The following MKI67 variants were observed in gnomAD, a reference collection of about 807,000 sequenced individuals.
MKI67 encodes proliferation marker protein Ki-67.
A neutral mutation model predicts 233.5 loss-of-function variants in MKI67; 152 were observed. That is an observed-to-expected ratio of 0.65 (90% confidence interval 0.57 to 0.74). The LOEUF is 0.74. Among genes scored for constraint, MKI67 ranks in the 30% least tolerant of loss-of-function variants. The probability of loss-of-function intolerance (pLI) is 0.00; values close to 1 mark genes in which losing one functional copy is unlikely to be tolerated. For missense variants in MKI67, 3,940 were observed against 3,885.2 expected, an observed-to-expected ratio of 1.01 and a Z score of -0.37; for synonymous variants, 1,465 against 1,418.5, an observed-to-expected ratio of 1.03 and a Z score of -0.74.
In MKI67 at chr10:128,116,544, T is replaced by A. The variant is rs763820643; in HGVS notation, c.355-8A>T. The A allele has an allele frequency of 2.5e-6, 4 of 1,612,948 alleles. No homozygotes were observed. In the Middle Eastern group the frequency reaches 5.0e-4, roughly 200 times the overall value. ...GACACGACGTGCTGGCTCCTGTAAG[T>A]TGGGAAAATAAGAACAGTTATTTGC... On this transcript the variant is annotated splice_region_variant and splice_polypyrimidine_tract_variant and intron_variant, in intron 5 of 14. Coordinates refer to ENST00000368654, the MANE Select transcript of MKI67 (RefSeq NM_002417.5).
At position 128,108,959 on chromosome 10, in the gene MKI67, T is replaced by C. The variant is rs756959433; in HGVS notation, c.2881A>G (p.Met961Val). The C allele has an allele frequency of 2.5e-6, 4 of 1,614,242 alleles. No individual in the cohort carries two copies. The highest frequency in any genetic ancestry group is 3.4e-6 in the Non-Finnish European group (4 of 1,180,048). ...SRTWGQKCAP[M>V]SDLTDLKSLP... ...CTCTTGAGGTCTGTCAGGTCAGACA[T>C]TGGTGCACATTTCTGCCCCCAAGTT... The change falls in exon 13 of 15, where the codon ATG becomes GTG. Residue 961 changes from methionine (M) to valine (V), a missense_variant. Physicochemically the swap from Met to Val is conservative, Grantham distance 21. Coordinates refer to ENST00000368654, the MANE Select transcript of MKI67 (RefSeq NM_002417.5).
intron 4 of MKI67, among the ~76,000 whole-genome samples, chr10:128,121,627 GAC>G (rs1852950898): frequency 6.9e-6 from 1 of 144,518 alleles, no homozygotes; most frequent in Non-Finnish European, 1.5e-5. Flanking sequence ...ATATATATGA[GAC>G]ACTGTAGAAT....
At chr10:128,109,534 T>G (rs1852622858) in intron 12 of MKI67, 111 bp from the exon 13 acceptor site, 1 of 1,150,362 alleles carries the variant, frequency 8.7e-7, no homozygotes, top group East Asian at 2.5e-5. Flanking sequence ...TCGTATTCAC[T>G]GAACGACATG....
At chr10:128,114,152 G>A (rs377390232) in intron 7 of MKI67, among the ~76,000 whole-genome samples, 2 of 152,068 alleles carry the variant, frequency 1.3e-5, no homozygotes, top group Non-Finnish European at 2.9e-5. Flanking sequence ...TTATTTTATC[G>A]ACAGCCTCAT....
At position 128,105,451 on chromosome 10, in the gene MKI67, A is replaced by G; in HGVS notation, c.6389T>C (p.Ile2130Thr). 6.2e-7 allele frequency: 1 copy of G among 1,613,876 alleles called. No homozygotes were observed. Among genetic ancestry groups the G allele is most frequent in the Non-Finnish European group, 8.5e-7 (1 of 1,179,998 alleles). ...RPKTPLGKRD[I>T]VEELSALKQL... ...CTTCAGGGCTGAGAGCTCTTCCACTATATCCCTTTTCCCCAAAGGTGTTTT... is the reference window on the plus strand; with the variant it reads ...CTTCAGGGCTGAGAGCTCTTCCACTGTATCCCTTTTCCCCAAAGGTGTTTT... Residue 2130 changes from isoleucine (I) to threonine (T), a missense_variant, in exon 13 of 15, where the codon ATA becomes ACA. Transcript: ENST00000368654.
chr10:128,125,949 A>ACG lies in MKI67; in HGVS notation c.-90+149_-90+150insCG. 6.1e-6 allele frequency: 2 copies of ACG among 325,222 alleles called. No homozygotes were observed. The highest frequency in any genetic ancestry group is 4.7e-5 in the Admixed American group (1 of 21,082). The allele number at this position is 325,222 out of a possible 1,614,324, so 20.1% of individuals were successfully genotyped here. ...GTCGCCAGCGCCTGCGCCTCCTGGG[A>ACG]GCTTCCACCGAGACGCCCTCGCCAG... is the stretch of plus-strand genomic sequence containing the variant. On this transcript the variant is annotated intron_variant, in intron 1 of 14. Transcript: ENST00000368654. The surrounding 1 kb of genome is among the most constrained non-coding windows in gnomAD (Gnocchi z 5.3).
In MKI67 at chr10:128,125,801, A is replaced by G; in HGVS notation, c.-89-45T>C. ...TACTCTGATAGCAAAGGAGCTAAGA[A>G]GGGCCCCGTGCCCAATTCACCTATC... On this transcript the variant is annotated intron_variant, in intron 1 of 14. Coordinates refer to ENST00000368654, the MANE Select transcript of MKI67 (RefSeq NM_002417.5). This position sits in a 1 kb window ranked among gnomAD's most constrained non-coding sequence, Gnocchi z 5.3. 1.3e-6 allele frequency: 1 copy of G among 771,544 alleles called. No individual in the cohort carries two copies. 47.8% of individuals were successfully genotyped at this position (771,544 alleles called of 1,614,324 possible). A position where few individuals can be genotyped will look rare whatever the true frequency, so the allele number is the denominator to read the frequency against.
At position 128,098,217 on chromosome 10, in the gene MKI67, G is replaced by C. The variant is rs1238751952; in HGVS notation, c.*973C>G. On this transcript the variant is annotated 3_prime_UTR_variant, in exon 15 of 15. Coordinates refer to ENST00000368654, the MANE Select transcript of MKI67 (RefSeq NM_002417.5). Reference sequence around the variant, plus strand: ...ATGTCTGGGCTTCAAAGGAGATTTCGGAGGCAGCGGCTCACAAGGAAGCGA... The same window carrying C: ...ATGTCTGGGCTTCAAAGGAGATTTCCGAGGCAGCGGCTCACAAGGAAGCGA... 6.6e-6 allele frequency: 1 copy of C among 152,296 alleles called. No individual in the cohort carries two copies. The highest frequency in any genetic ancestry group is 1.9e-4 in the East Asian group (1 of 5,188). 9.4% of individuals were successfully genotyped at this position (152,296 alleles called of 1,614,324 possible). A position where few individuals can be genotyped will look rare whatever the true frequency, so the allele number is the denominator to read the frequency against.
Position 128,125,688 on chromosome 10 carries a change from T to A in MKI67, c.-21A>T. ...CACATTTTCTAAACAGTAAGTTGAG[T>A]ATAATCCGTAGGGGAAGGCCAGGTA... On this transcript the variant is annotated 5_prime_UTR_variant, in exon 2 of 15. Transcript: ENST00000368654. This position sits in a 1 kb window ranked among gnomAD's most constrained non-coding sequence, Gnocchi z 5.3. The A allele has an allele frequency of 6.2e-7, 1 of 1,600,064 alleles. No homozygotes were observed.
chr10:128,117,263 C>A (rs1456492769), intron 5 of MKI67, among the ~76,000 whole-genome samples: 3 of 152,242 alleles, frequency 2.0e-5, no homozygotes, highest in Non-Finnish European at 2.9e-5. Context: ...ATAAATGGGC[C>A]ATAGGACCTG....
chr10:128,115,471 G>C lies in MKI67; in HGVS notation c.937C>G (p.Leu313Val). Residue 313 changes from leucine to valine, a missense_variant, in exon 7 of 15, where the codon CTT (leucine) becomes GTT (valine). Coordinates refer to ENST00000368654, the MANE Select transcript of MKI67 (RefSeq NM_002417.5). ...CTTCCCTTCCCCTTGTTCTGGTCAA[G>C]CTCTTGTTCAGGTGAAGCAGGCTCT... ...VAEPASPEQE[L>V]DQNKGKGRDV... 1.2e-6 allele frequency: 2 copies of C among 1,613,918 alleles called. No homozygotes were observed. Among genetic ancestry groups the C allele is most frequent in the South Asian group, 1.1e-5 (1 of 91,040 alleles).
Position 128,098,027 on chromosome 10 carries a change from C to T in MKI67, c.*1163G>A, listed in dbSNP as rs1031069917. 1.1e-4 allele frequency: 16 copies of T among 152,244 alleles called. No individual in the cohort carries two copies. The highest frequency in any genetic ancestry group is 3.6e-4 in the African/African-American group (15 of 41,460). The allele number at this position is 152,244 out of a possible 1,614,324, so 9.4% of individuals were successfully genotyped here. On this transcript the variant is annotated 3_prime_UTR_variant, in exon 15 of 15. Transcript: ENST00000368654. ...CAGCTACCCTGTCTGGTGCACCATC[C>T]TCACCTGCACCTGGCAAGGTGGGTG...
At position 128,114,948 on chromosome 10, in the gene MKI67, T is replaced by A. The variant is rs1006578045; in HGVS notation, c.1460A>T (p.Asn487Ile). The change falls in exon 7 of 15, where the codon AAC becomes ATC. Residue 487 changes from asparagine to isoleucine, a missense_variant. Physicochemically the swap from Asn to Ile is moderately radical, Grantham distance 149. Coordinates refer to ENST00000368654, the MANE Select transcript of MKI67 (RefSeq NM_002417.5). Reference sequence around the variant, plus strand: ...CTTACTAATGGAATCACCAAAGTTGTTGATATCAACTGAACTAAGACCAGG... The same window carrying A: ...CTTACTAATGGAATCACCAAAGTTGATGATATCAACTGAACTAAGACCAGG... ...GLPGLSSVDI[N>I]NFGDSINESE... 1 of 1,556,148 alleles carries A rather than the reference T, an allele frequency of 6.4e-7. No homozygotes were observed. The highest frequency in any genetic ancestry group is 8.7e-7 in the Non-Finnish European group (1 of 1,151,040).
chr10:128,105,797 C>T lies in MKI67; in HGVS notation c.6043G>A (p.Val2015Ile). Residue 2015 changes from valine (V) to isoleucine (I), a missense_variant, in exon 13 of 15, where the codon GTC (valine) becomes ATC (isoleucine). Coordinates refer to ENST00000368654, the MANE Select transcript of MKI67 (RefSeq NM_002417.5). Reference sequence around the variant, plus strand: ...CCTGACGTCTGTGTGAGCTTGCCGACTGGTAGGACCTCTTCTTTCACACCT... The same window carrying T: ...CCTGACGTCTGTGTGAGCTTGCCGATTGGTAGGACCTCTTCTTTCACACCT... ...KVGVKEEVLP[V>I]GKLTQTSGKT... The T allele has an allele frequency of 6.2e-7, 1 of 1,614,172 alleles. No homozygotes were observed. Among genetic ancestry groups the T allele is most frequent in the Non-Finnish European group, 8.5e-7 (1 of 1,180,038 alleles).
intron 7 of MKI67, among the ~76,000 whole-genome samples, chr10:128,114,190 AAC>A (rs1303900287): frequency 1.3e-5 from 2 of 152,326 alleles, no homozygotes; most frequent in East Asian, 1.9e-4. Context: ...CACCTGCAGA[AAC>A]ACAGCCTGGA....
intron 4 of MKI67, among the ~76,000 whole-genome samples, chr10:128,120,031 A>G (rs1053533664): frequency 6.6e-6 from 1 of 152,232 alleles, no homozygotes; most frequent in Non-Finnish European, 1.5e-5. Flanking sequence ...TGAAGCAGTC[A>G]CACATCTGAT....
chr10:128,101,427 G>A lies in MKI67; in HGVS notation c.9536C>T (p.Ala3179Val), dbSNP rs748615127. Residue 3179 changes from alanine (A) to valine (V), a missense_variant, in exon 14 of 15, where the codon GCG becomes GTG. Ala to Val is a moderately conservative substitution (Grantham distance 64). Transcript: ENST00000368654. ...TTTCTGATTCTGCATGAGAACCTTC[G>A]CACTCTTCTGCCCTCCGCTCTCCTC... ...VAEESGGQKS[A>V]KVLMQNQKGK... is the part of the protein sequence containing the mutation. The A allele has an allele frequency of 1.5e-5, 24 of 1,613,934 alleles. No homozygotes were observed. The highest frequency in any genetic ancestry group is 2.2e-5 in the East Asian group (1 of 44,894).
chr10:128,106,727 C>T lies in MKI67; in HGVS notation c.5113G>A (p.Glu1705Lys). Residue 1705 changes from glutamate to lysine, a missense_variant, in exon 13 of 15, where the codon GAA becomes AAA. Transcript: ENST00000368654. ...AAGCCGGCCAGGTCTTCAGGGACTT[C>T]AGACTTTCCCTTAGGAGTTCTCAGC... is the stretch of plus-strand genomic sequence containing the variant. ...RQLRTPKGKS[E>K]VPEDLAGFIE... 6.2e-7 allele frequency: 1 copy of T among 1,613,146 alleles called. No individual in the cohort carries two copies. Among genetic ancestry groups the T allele is most frequent in the Admixed American group, 1.7e-5 (1 of 59,934 alleles).
In MKI67 at chr10:128,105,807, C is replaced by A. The variant is rs549071756; in HGVS notation, c.6033G>T (p.Glu2011Asp). ...ISLGKVGVKE[E>D]VLPVGKLTQT... is the part of the protein sequence containing the mutation. ...GTGTGAGCTTGCCGACTGGTAGGAC[C>A]TCTTCTTTCACACCTACTTTCCCCA... Residue 2011 changes from glutamate to aspartate, a missense_variant, in exon 13 of 15, where the codon GAG becomes GAT. Glu to Asp is a conservative substitution (Grantham distance 45, BLOSUM62 2). Coordinates refer to ENST00000368654, the MANE Select transcript of MKI67 (RefSeq NM_002417.5). The A allele has an allele frequency of 1.6e-5, 26 of 1,614,158 alleles. No homozygotes were observed. The highest frequency in any genetic ancestry group is 4.5e-5 in the East Asian group (2 of 44,880).
Sources: gnomAD v4.1 joint callset for allele counts (sites outside exome capture counted in the v4.1 genomes callset) on GRCh38, gnomAD v4.1.1 for gene constraint, Gnocchi (gnomAD v3.1) non-coding constraint, MANE v1.5 for transcripts, NCBI Gene and HGNC (gene_info 2026-07-23, HGNC 2026-07-21) for gene names.